The following EEFSEC variants were observed in gnomAD, a reference collection of about 807,000 sequenced individuals.
The protein encoded by EEFSEC is eukaryotic elongation factor, selenocysteine-tRNA specific.
Under a neutral mutation model 42.1 loss-of-function variants are expected in EEFSEC, and 43 were observed. The observed-to-expected ratio is 1.02, with a 90% confidence interval of 0.80 to 1.32. The LOEUF (loss-of-function observed/expected upper bound fraction) is 1.32, where lower values mean the gene tolerates loss of function less well. Among genes scored for constraint, EEFSEC ranks in the 40% most tolerant of loss-of-function variants. The pLI, the probability that EEFSEC is intolerant of heterozygous loss-of-function variation, is 0.00. For synonymous variants in EEFSEC, 354 were observed against 339.1 expected, an observed-to-expected ratio of 1.04 and a Z score of -0.48; for missense variants, 745 against 803.6, an observed-to-expected ratio of 0.93 and a Z score of 0.88.
At chr3:128,211,848 C>CTTT (rs34885945) in intron 1 of EEFSEC, among the ~76,000 whole-genome samples, 44 of 51,678 alleles carry the variant, frequency 8.5e-4, no homozygotes, top group African/African-American at 1.8e-3. Flanking sequence ...TTTTTCTTTT[C>CTTT]TTTTTTTTTT....
chr3:128,168,574 A>G (rs1459309630), intron 1 of EEFSEC, among the ~76,000 whole-genome samples: 1 of 152,240 alleles, frequency 6.6e-6, no homozygotes, highest in Non-Finnish European at 1.5e-5. Context: ...TCTGTAGACC[A>G]GGTCACTCAC....
At chr3:128,182,402 T>C (rs2107791925) in intron 1 of EEFSEC, among the ~76,000 whole-genome samples, 1 of 152,284 alleles carries the variant, frequency 6.6e-6, no homozygotes, top group African/African-American at 2.4e-5. Context: ...TATATGTACA[T>C]GATAGAAAAC....
At chr3:128,250,910 G>GTTTT (rs1559886787) in intron 2 of EEFSEC, among the ~76,000 whole-genome samples, 3 of 34,530 alleles carry the variant, frequency 8.7e-5, no homozygotes, top group African/African-American at 2.2e-4. Context: ...AGTTTTTTTT[G>GTTTT]GTTTTTTTTT....
In EEFSEC at chr3:128,408,395, G is replaced by T; in HGVS notation, c.*136G>T. 1.0e-6 allele frequency: 1 copy of T among 987,218 alleles called. No individual in the cohort carries two copies. The highest frequency in any genetic ancestry group is 1.5e-6 in the Non-Finnish European group (1 of 687,852). The allele number at this position is 987,218 out of a possible 1,614,324, so 61.2% of individuals were successfully genotyped here. On this transcript the variant is annotated 3_prime_UTR_variant, in exon 7 of 7. Transcript: ENST00000254730. Reference sequence around the variant, plus strand: ...AGCAGCAGCCCCCACCCCCAAGCTTGGTGCTGAGCCCTGGTGAGGAGCTGA... The same window carrying T: ...AGCAGCAGCCCCCACCCCCAAGCTTTGTGCTGAGCCCTGGTGAGGAGCTGA...
At chr3:128,163,558 C>G (rs1290500919) in intron 1 of EEFSEC, among the ~76,000 whole-genome samples, 1 of 149,996 alleles carries the variant, frequency 6.7e-6, no homozygotes, top group East Asian at 2.0e-4. Flanking sequence ...TAAAATTCAC[C>G]CATTTCACTG....
rs141327756 is a variant in EEFSEC, at chr3:128,293,554, G to A, written c.786+28773G>A. 6.5e-3 allele frequency among the ~76,000 whole-genome samples: 989 copies of A among 151,458 alleles called. 9 individuals carry two copies. The highest frequency in any genetic ancestry group is 0.022 in the African/African-American group (912 of 41,240). The stretch of plus-strand genomic sequence containing the variant: ...CATGTGCCTGTAGTCCCAGCTACTC[G>A]GGAGGCTGAGGCAGGAGAATCACTT... On this transcript the variant is annotated intron_variant, in intron 4 of 6. Transcript: ENST00000254730.
intron 6 of EEFSEC, among the ~76,000 whole-genome samples, chr3:128,388,758 C>G (rs899438036): frequency 6.6e-6 from 1 of 152,276 alleles, no homozygotes; most frequent in South Asian, 2.1e-4. Flanking sequence ...ACTGCTGCCT[C>G]TAGCCCCTGA....
chr3:128,260,886 C>T (rs575789200), intron 2 of EEFSEC, among the ~76,000 whole-genome samples: 126 of 151,404 alleles, frequency 8.3e-4, no homozygotes, highest in African/African-American at 2.9e-3. Context: ...TTCAGATGTC[C>T]TTGCTGTATC....
At chr3:128,392,270 C>T (rs11709536) in intron 6 of EEFSEC, among the ~76,000 whole-genome samples, 14,770 of 152,232 alleles carry the variant, frequency 0.097, 1,030 homozygotes, top group East Asian at 0.35. Flanking sequence ...TGGAGCCAGC[C>T]GCCTAGGTTC....
intron 6 of EEFSEC, among the ~76,000 whole-genome samples, chr3:128,374,891 T>C (rs2067692269): frequency 6.6e-6 from 1 of 152,248 alleles, no homozygotes; most frequent in Admixed American, 6.5e-5. Flanking sequence ...AGCTGAGACT[T>C]GAGCCCAGGC....
intron 2 of EEFSEC, among the ~76,000 whole-genome samples, chr3:128,259,365 T>C (rs1002107146): frequency 6.6e-6 from 1 of 152,222 alleles, no homozygotes; most frequent in Non-Finnish European, 1.5e-5. Context: ...GGCTTACTTA[T>C]TAAGGCAATG....
intron 4 of EEFSEC, among the ~76,000 whole-genome samples, chr3:128,270,806 A>G (rs2066405570): frequency 6.6e-6 from 1 of 152,096 alleles, no homozygotes. Context: ...TACCTGCAGT[A>G]TGCTCACTTT....
At chr3:128,171,846 AT>A (rs1227366421) in intron 1 of EEFSEC, among the ~76,000 whole-genome samples, 1 of 151,754 alleles carries the variant, frequency 6.6e-6, no homozygotes, top group Non-Finnish European at 1.5e-5. Flanking sequence ...AAAAAAAAAA[AT>A]GAAAACAACA....
At chr3:128,187,897 A>G (rs1022408274) in intron 1 of EEFSEC, among the ~76,000 whole-genome samples, 2 of 152,222 alleles carry the variant, frequency 1.3e-5, no homozygotes, top group African/African-American at 2.4e-5. Flanking sequence ...GCCTAGAAGT[A>G]TGAAGGATTT....
chr3:128,267,539 T>A (rs1403906415), intron 4 of EEFSEC, among the ~76,000 whole-genome samples: 1 of 152,232 alleles, frequency 6.6e-6, no homozygotes. Flanking sequence ...GCTGCCTTGT[T>A]TCTCCATTGA....
At chr3:128,351,727 G>A (rs1187322881) in intron 5 of EEFSEC, among the ~76,000 whole-genome samples, 1 of 152,198 alleles carries the variant, frequency 6.6e-6, no homozygotes, top group Non-Finnish European at 1.5e-5. Context: ...TCAAAGGCCA[G>A]GGACAATGGG....
chr3:128,324,382 T>C (rs2067041213), intron 4 of EEFSEC, among the ~76,000 whole-genome samples: 1 of 152,194 alleles, frequency 6.6e-6, no homozygotes, highest in African/African-American at 2.4e-5. Context: ...GGGGCTTCTC[T>C]GTGGGAAAGA....
chr3:128,396,197 C>G (rs1372322628), intron 6 of EEFSEC, among the ~76,000 whole-genome samples: 1 of 152,150 alleles, frequency 6.6e-6, no homozygotes, highest in East Asian at 1.9e-4. Flanking sequence ...TGTCATGGAC[C>G]AGGCCTGGCT....
intron 5 of EEFSEC, among the ~76,000 whole-genome samples, chr3:128,344,596 A>G (rs2067290989): frequency 6.6e-6 from 1 of 152,206 alleles, no homozygotes; most frequent in African/African-American, 2.4e-5. Context: ...CTTTTGAGTC[A>G]TGAAATTTCC....
Sources: gnomAD v4.1 joint callset for allele counts (sites outside exome capture counted in the v4.1 genomes callset) on GRCh38, gnomAD v4.1.1 for gene constraint, MANE v1.5 for transcripts, NCBI Gene and HGNC (gene_info 2026-07-23, HGNC 2026-07-21) for gene names.